ATP8A2: variants seen among roughly 807,000 people sequenced by gnomAD.
The protein encoded by ATP8A2 is phospholipid-transporting ATPase IB.
ATP8A2 carries 100 observed loss-of-function variants against 165.6 expected under a neutral mutation model. The ratio of observed to expected loss-of-function variants is 0.60; its 90% CI spans 0.51 to 0.71. The LOEUF is 0.71. Ranked by LOEUF, ATP8A2 falls within the 30% of genes least tolerant of loss-of-function variation. The probability of loss-of-function intolerance (pLI) is 0.00; values close to 1 mark genes in which losing one functional copy is unlikely to be tolerated. For missense variants in ATP8A2, 1,227 were observed against 1,479.5 expected (o/e 0.83, Z 2.80); for synonymous variants, 543 against 548.8 (o/e 0.99, Z 0.15).
intron 33 of ATP8A2, among the ~76,000 whole-genome samples, chr13:25,886,619 G>A (rs1953165701): frequency 6.6e-6 from 1 of 152,248 alleles, no homozygotes; most frequent in Non-Finnish European, 1.5e-5. Flanking sequence ...AAGCCTCTGA[G>A]AGCGCGGCTT....
chr13:25,500,949 ATTT>A (rs995736360), intron 2 of ATP8A2, among the ~76,000 whole-genome samples: 2 of 152,054 alleles, frequency 1.3e-5, no homozygotes, highest in African/African-American at 2.4e-5. Flanking sequence ...TTACCTGTGC[ATTT>A]TTTTATTTGT....
chr13:25,928,519 A>G (rs1371585283), intron 33 of ATP8A2, among the ~76,000 whole-genome samples: 1 of 152,242 alleles, frequency 6.6e-6, no homozygotes, highest in East Asian at 1.9e-4. Flanking sequence ...CAAGAACTCC[A>G]CGCAAATTCG....
At chr13:25,916,213 C>T (rs1954263145) in intron 33 of ATP8A2, among the ~76,000 whole-genome samples, 1 of 152,210 alleles carries the variant, frequency 6.6e-6, no homozygotes, top group South Asian at 2.1e-4. Context: ...CATAACTCAT[C>T]CTAAATATGC....
At chr13:25,818,915 A>C (rs1390635237) in intron 27 of ATP8A2, among the ~76,000 whole-genome samples, 1 of 152,212 alleles carries the variant, frequency 6.6e-6, no homozygotes, top group Non-Finnish European at 1.5e-5. Flanking sequence ...CGAAGAGAAA[A>C]ATGAGTGCGG....
intron 33 of ATP8A2, among the ~76,000 whole-genome samples, chr13:25,923,658 A>G (rs1004003385): frequency 6.6e-6 from 1 of 151,312 alleles, no homozygotes; most frequent in Non-Finnish European, 1.5e-5. Context: ...AGGCATGATC[A>G]TAAGTCCCTC....
chr13:25,876,589 A>G (rs955809090), intron 33 of ATP8A2, among the ~76,000 whole-genome samples: 1 of 152,200 alleles, frequency 6.6e-6, no homozygotes, highest in Non-Finnish European at 1.5e-5. Flanking sequence ...AAAACAGAGT[A>G]AGACTGACCA....
chr13:25,564,155 T>A (rs1002003679), intron 16 of ATP8A2, 124 bp downstream of exon 16: 19 of 693,850 alleles, frequency 2.7e-5, no homozygotes, highest in African/African-American at 2.3e-4. Context: ...CTTGATGATG[T>A]GAGTCCTTCT....
chr13:25,498,569 T>C (rs1039122119), intron 2 of ATP8A2, among the ~76,000 whole-genome samples: 1 of 152,192 alleles, frequency 6.6e-6, no homozygotes, highest in African/African-American at 2.4e-5. Flanking sequence ...TTGGCCAATG[T>C]GGATAATCCT....
At chr13:25,682,125 TGA>T (rs2042502540) in intron 24 of ATP8A2, among the ~76,000 whole-genome samples, 1 of 152,006 alleles carries the variant, frequency 6.6e-6, no homozygotes, top group Non-Finnish European at 1.5e-5. Context: ...AAAAACCCCG[TGA>T]TCACCATTCT....
intron 24 of ATP8A2, among the ~76,000 whole-genome samples, chr13:25,618,743 T>C (rs1237376317): frequency 2.0e-5 from 3 of 150,196 alleles, no homozygotes; most frequent in Non-Finnish European, 3.0e-5. Context: ...TTCATGCTAC[T>C]GGGAGCAAGA....
At chr13:25,602,456 T>G (rs2138379701) in intron 24 of ATP8A2, among the ~76,000 whole-genome samples, 1 of 152,328 alleles carries the variant, frequency 6.6e-6, no homozygotes, top group South Asian at 2.1e-4. Flanking sequence ...TGGAGCAGTC[T>G]CAATTTGCAC....
chr13:25,892,503 T>TCTCC (rs1275257585), intron 33 of ATP8A2, among the ~76,000 whole-genome samples: 1 of 150,466 alleles, frequency 6.6e-6, no homozygotes, highest in African/African-American at 2.5e-5. Flanking sequence ...TCTCTCTCTC[T>TCTCC]CCTTCCACCT....
At chr13:25,674,265 T>TCTCC (rs1555245499) in intron 24 of ATP8A2, among the ~76,000 whole-genome samples, 1 of 151,308 alleles carries the variant, frequency 6.6e-6, no homozygotes, top group African/African-American at 2.4e-5. Flanking sequence ...TCCAGATGTG[T>TCTCC]CCCCCCCCGA....
chr13:25,816,034 ACC>A (rs1414314545), intron 27 of ATP8A2, among the ~76,000 whole-genome samples: 4 of 152,180 alleles, frequency 2.6e-5, no homozygotes, highest in Non-Finnish European at 5.9e-5. Flanking sequence ...TTTAATTAAT[ACC>A]ATTAATACAG....
chr13:25,707,588 C>T (rs9581432), intron 25 of ATP8A2, among the ~76,000 whole-genome samples: 7,244 of 152,272 alleles, frequency 0.048, 208 homozygotes, highest in Middle Eastern at 0.099. Flanking sequence ...TTCTGCTTGT[C>T]AGCTATGAGC....
chr13:25,420,139 G>A (rs1482915092), intron 1 of ATP8A2, among the ~76,000 whole-genome samples: 4 of 152,202 alleles, frequency 2.6e-5, no homozygotes, highest in African/African-American at 2.4e-5. Flanking sequence ...CTCAGATTTT[G>A]ATTTCATTTT....
intron 35 of ATP8A2, among the ~76,000 whole-genome samples, chr13:26,006,252 C>T (rs186914888): frequency 2.6e-5 from 4 of 151,654 alleles, no homozygotes; most frequent in South Asian, 2.1e-4. Flanking sequence ...AAATTATTCC[C>T]GAGTATTTTA....
chr13:25,850,717 C>T (rs539017533), intron 30 of ATP8A2, among the ~76,000 whole-genome samples: 1 of 152,300 alleles, frequency 6.6e-6, no homozygotes, highest in Admixed American at 6.5e-5. Context: ...GTTAAGATTT[C>T]ACTCAGTGGG....
Position 25,633,636 on chromosome 13 carries a change from A to G in ATP8A2, c.2211+43937A>G, listed in dbSNP as rs148785257. 2.7e-3 allele frequency among the ~76,000 whole-genome samples: 407 copies of G among 152,232 alleles called. 4 individuals are homozygous for G. Among genetic ancestry groups the G allele is most frequent in the African/African-American group, 9.4e-3 (392 of 41,526 alleles). On this transcript the variant is annotated intron_variant, in intron 24 of 36. Transcript: ENST00000381655. ...TTTGGCTAAGTCTTGAATTCCTGTA[A>G]TTTAGGTGTGAGATAAGTTGGATGT...
Sources: allele counts gnomAD v4.1 joint callset (sites outside exome capture counted in the v4.1 genomes callset), GRCh38; gene constraint gnomAD v4.1.1; transcripts MANE v1.5; gene names NCBI Gene and HGNC (gene_info 2026-07-23, HGNC 2026-07-21).